FMN2: variants seen among roughly 807,000 people sequenced by gnomAD.
FMN2 encodes the protein formin-2.
In FMN2, 51 loss-of-function variants were observed where a neutral mutation model predicts 142.3. The observed-to-expected ratio is 0.36, with a 90% CI of 0.29 to 0.45. The LOEUF is 0.45. Among genes scored for constraint, FMN2 ranks in the 20% least tolerant of loss-of-function variants. The pLI is 1.00. For missense variants in FMN2, 1,936 were observed against 2,122.8 expected, an observed-to-expected ratio of 0.91 and a Z score of 1.73; for synonymous variants, 882 against 869.8, an observed-to-expected ratio of 1.01 and a Z score of -0.25.
At chr1:240,216,414 A>C (rs1424880307) in intron 6 of FMN2, among the ~76,000 whole-genome samples, 1 of 152,246 alleles carries the variant, frequency 6.6e-6, no homozygotes, top group Non-Finnish European at 1.5e-5. Context: ...ACATTGGTCT[A>C]ACCATTTAAT....
intron 3 of FMN2, among the ~76,000 whole-genome samples, chr1:240,184,384 C>CCG (rs1328674647): frequency 6.6e-5 from 10 of 151,416 alleles, no homozygotes; most frequent in African/African-American, 2.4e-4. Flanking sequence ...CTGCAGGTGC[C>CCG]CACCACCAGG....
chr1:240,252,466 A>G (rs1668307441), intron 6 of FMN2, among the ~76,000 whole-genome samples: 1 of 151,316 alleles, frequency 6.6e-6, no homozygotes. Context: ...AGTACCTTCA[A>G]CTTTTGCTTG....
intron 7 of FMN2, among the ~76,000 whole-genome samples, chr1:240,268,369 T>C (rs1014463200): frequency 1.3e-5 from 2 of 152,124 alleles, no homozygotes; most frequent in African/African-American, 4.8e-5. Context: ...TAACAGCTCT[T>C]AGAAGTTGAG....
chr1:240,369,429 T>C lies in FMN2; in HGVS notation c.4858+13521T>C, dbSNP rs142663706. On this transcript the variant is annotated intron_variant, in intron 14 of 17. Coordinates refer to ENST00000319653, the MANE Select transcript of FMN2 (RefSeq NM_020066.5). ...GAATTATTATTTTATGTATTCATTTTTGGTTTACATTTAACCAATACCATT... is the reference window on the plus strand; with the variant it reads ...GAATTATTATTTTATGTATTCATTTCTGGTTTACATTTAACCAATACCATT... Among the ~76,000 whole-genome samples, 123 of 152,340 alleles carry C rather than the reference T, an allele frequency of 8.1e-4. 2 individuals carry two copies. The highest frequency in any genetic ancestry group is 2.8e-3 in the African/African-American group (116 of 41,590).
chr1:240,422,940 C>T (rs1306296178), intron 15 of FMN2, among the ~76,000 whole-genome samples: 1 of 152,132 alleles, frequency 6.6e-6, no homozygotes, highest in Non-Finnish European at 1.5e-5. Flanking sequence ...TGAACTAATA[C>T]TTGTTCTTGG....
chr1:240,439,257 A>G (rs537161338), intron 16 of FMN2, among the ~76,000 whole-genome samples: 71 of 137,956 alleles, frequency 5.1e-4, no homozygotes, highest in African/African-American at 2.1e-3. Context: ...TGGACAACAG[A>G]GCAAGGCTGT....
intron 1 of FMN2, among the ~76,000 whole-genome samples, chr1:240,095,740 T>C (rs956390262): frequency 6.6e-6 from 1 of 151,996 alleles, no homozygotes; most frequent in Non-Finnish European, 1.5e-5. Context: ...TGTTTTCCTT[T>C]AAAAAAACAA....
chr1:240,422,106 ATCTG>A (rs1333853386), intron 15 of FMN2, among the ~76,000 whole-genome samples: 4 of 152,114 alleles, frequency 2.6e-5, no homozygotes, highest in Admixed American at 6.6e-5. Flanking sequence ...AGTTTCATTG[ATCTG>A]TCTGTCTGTT....
At chr1:240,385,253 A>C (rs1421427333) in intron 14 of FMN2, among the ~76,000 whole-genome samples, 1 of 152,190 alleles carries the variant, frequency 6.6e-6, no homozygotes, top group East Asian at 1.9e-4. Context: ...TCAATATGGA[A>C]AGCTCAGCCC....
At chr1:240,289,972 TG>T (rs1669721638) in intron 7 of FMN2, among the ~76,000 whole-genome samples, 1 of 152,178 alleles carries the variant, frequency 6.6e-6, no homozygotes, top group Admixed American at 6.5e-5. Context: ...ATAAGAAGCA[TG>T]TACCACATTT....
At chr1:240,217,825 A>G (rs1666961823) in intron 6 of FMN2, among the ~76,000 whole-genome samples, 1 of 152,078 alleles carries the variant, frequency 6.6e-6, no homozygotes, top group Non-Finnish European at 1.5e-5. Context: ...AAACACGAAT[A>G]CACCAGCATA....
Position 240,211,082 on chromosome 1 carries a change from T to G in FMN2, c.3921-9T>G. 6.3e-7 allele frequency: 1 copy of G among 1,593,144 alleles called. No homozygotes were observed. Among genetic ancestry groups the G allele is most frequent in the Admixed American group, 1.8e-5 (1 of 55,218 alleles). ...ATGGCTGTTTTATTGTTCTTTTGCT[T>G]AATTTTAGAGACTCCAGTACTTCAC... On this transcript the variant is annotated splice_polypyrimidine_tract_variant and intron_variant, in intron 5 of 17. Coordinates refer to ENST00000319653, the MANE Select transcript of FMN2 (RefSeq NM_020066.5).
intron 2 of FMN2, among the ~76,000 whole-genome samples, chr1:240,169,552 C>T (rs911227859): frequency 6.6e-6 from 1 of 152,210 alleles, no homozygotes; most frequent in African/African-American, 2.4e-5. Context: ...CAGCCTCGAC[C>T]TCCCCCCGGG....
chr1:240,365,684 T>A (rs1672645366), intron 14 of FMN2, among the ~76,000 whole-genome samples: 2 of 152,164 alleles, frequency 1.3e-5, no homozygotes, highest in Admixed American at 1.3e-4. Context: ...CAAGTTTAGG[T>A]GCCTGCAAGC....
intron 16 of FMN2, among the ~76,000 whole-genome samples, chr1:240,456,637 G>A (rs918380010): frequency 3.3e-5 from 5 of 152,140 alleles, no homozygotes; most frequent in Non-Finnish European, 7.3e-5. Context: ...TGTATTTTTA[G>A]TAGAGACAGG....
chr1:240,333,501 A>G (rs2103018156), intron 11 of FMN2, among the ~76,000 whole-genome samples: 1 of 152,296 alleles, frequency 6.6e-6, no homozygotes, highest in Middle Eastern at 3.4e-3. Context: ...TAGTCCAGCT[A>G]TATATCAATG....
At position 240,473,559 on chromosome 1, in the gene FMN2, G is replaced by GT. The variant is rs748765873; in HGVS notation, c.5143-560dup. ...AATTGGGATATGATTAAATAGCCCTGTTTTTTTTTAAAAAGTTAGGAATTA... is the reference window on the plus strand; with the variant it reads ...AATTGGGATATGATTAAATAGCCCTGTTTTTTTTTTAAAAAGTTAGGAATTA... On this transcript the variant is annotated intron_variant, in intron 17 of 17. Coordinates refer to ENST00000319653, the MANE Select transcript of FMN2 (RefSeq NM_020066.5). The surrounding 1 kb of genome is among the most constrained non-coding windows in gnomAD (Gnocchi z 4.3). Among the ~76,000 whole-genome samples, 23 of 151,628 alleles carry GT rather than the reference G, an allele frequency of 1.5e-4. No individual in the cohort carries two copies. Among genetic ancestry groups the GT allele is most frequent in the Middle Eastern group, 3.4e-3 (1 of 290 alleles).
At chr1:240,383,947 A>G (rs1485023278) in intron 14 of FMN2, among the ~76,000 whole-genome samples, 1 of 151,914 alleles carries the variant, frequency 6.6e-6, no homozygotes, top group Non-Finnish European at 1.5e-5. Context: ...ACTACCATAT[A>G]TATATGGAAT....
chr1:240,385,233 G>A (rs1449014171), intron 14 of FMN2, among the ~76,000 whole-genome samples: 2 of 152,060 alleles, frequency 1.3e-5, no homozygotes, highest in African/African-American at 4.8e-5. Flanking sequence ...GAAATTAATT[G>A]GTATTGCTTT....
Sources: gnomAD v4.1 joint callset for allele counts (sites outside exome capture counted in the v4.1 genomes callset) on GRCh38, gnomAD v4.1.1 for gene constraint, Gnocchi (gnomAD v3.1) non-coding constraint, MANE v1.5 for transcripts, NCBI Gene and HGNC (gene_info 2026-07-23, HGNC 2026-07-21) for gene names.